Variants in RPTOR observed in about 807,000 individuals in gnomAD.
The protein encoded by RPTOR is regulatory associated protein of MTOR complex 1, also known as regulatory-associated protein of mTOR.
A neutral mutation model predicts 169.9 loss-of-function variants in RPTOR; 21 were observed. The observed-to-expected ratio is 0.12, with a 90% CI of 0.09 to 0.18. RPTOR has a LOEUF of 0.18. Among genes scored for constraint, RPTOR ranks in the 10% least tolerant of loss-of-function variants. The pLI, the probability that RPTOR is intolerant of heterozygous loss-of-function variation, is 1.00. For missense variants in RPTOR, 1,133 were observed against 1,855.9 expected (o/e 0.61, Z 7.16); for synonymous variants, 732 against 753.2 (o/e 0.97, Z 0.46).
At chr17:80,788,770 G>C (rs1177036974) in intron 6 of RPTOR, among the ~76,000 whole-genome samples, 1 of 152,138 alleles carries the variant, frequency 6.6e-6, no homozygotes, top group Non-Finnish European at 1.5e-5. Context: ...CAAATAATAA[G>C]CACTAAATAA....
intron 5 of RPTOR, among the ~76,000 whole-genome samples, chr17:80,750,136 G>A (rs2066617065): frequency 6.6e-6 from 1 of 152,038 alleles, no homozygotes; most frequent in Admixed American, 6.5e-5. Flanking sequence ...ACAGATGTGA[G>A]CCACCACACC....
In RPTOR at chr17:80,904,422, G is replaced by A. The variant is rs377032380; in HGVS notation, c.2402-4389G>A. Among the ~76,000 whole-genome samples, 83 of 152,310 alleles carry A rather than the reference G, an allele frequency of 5.4e-4. No individual in the cohort carries two copies. The South Asian group carries it at 7.7e-3, about 14-fold the overall frequency. On this transcript the variant is annotated intron_variant, in intron 20 of 33. Coordinates refer to ENST00000306801, the MANE Select transcript of RPTOR (RefSeq NM_020761.3). The stretch of plus-strand genomic sequence containing the variant: ...GACTCTGTCTTCTCTGAACTGCTCC[G>A]ACAGCCGGGGAGCTTCTGGGATTCA...
At chr17:80,749,671 G>A (rs992455871) in intron 5 of RPTOR, among the ~76,000 whole-genome samples, 6 of 152,104 alleles carry the variant, frequency 3.9e-5, no homozygotes, top group African/African-American at 9.7e-5. Context: ...TAAATTTAAC[G>A]TAGGAGCAAC....
intron 19 of RPTOR, 150 bp downstream of exon 19, chr17:80,893,019 C>A: frequency 3.0e-6 from 3 of 1,005,542 alleles, no homozygotes; most frequent in Non-Finnish European, 4.4e-6. Flanking sequence ...GATGAGTCAC[C>A]CTTCCAGACG....
intron 24 of RPTOR, among the ~76,000 whole-genome samples, chr17:80,932,445 G>T (rs1567995047): frequency 6.6e-6 from 1 of 152,170 alleles, no homozygotes; most frequent in East Asian, 1.9e-4. Context: ...CAACCCAGAT[G>T]TTGGAACTAT....
chr17:80,738,647 G>A (rs1029312266), intron 5 of RPTOR, among the ~76,000 whole-genome samples: 2 of 152,128 alleles, frequency 1.3e-5, no homozygotes, highest in Admixed American at 6.5e-5. Flanking sequence ...CCTACACAGC[G>A]GCCTTGACAA....
At chr17:80,827,050 G>C (rs1034465326) in intron 9 of RPTOR, among the ~76,000 whole-genome samples, 1 of 152,224 alleles carries the variant, frequency 6.6e-6, no homozygotes, top group East Asian at 1.9e-4. Context: ...CTCACACCAG[G>C]CTCGGGCTCC....
intron 1 of RPTOR, among the ~76,000 whole-genome samples, chr17:80,601,433 A>G (rs985976834): frequency 1.4e-5 from 2 of 143,534 alleles, no homozygotes; most frequent in African/African-American, 5.2e-5. Flanking sequence ...GTTCCGTGCC[A>G]GGGATGGCTG....
chr17:80,642,490 T>C (rs1270410295), intron 2 of RPTOR, among the ~76,000 whole-genome samples: 1 of 152,118 alleles, frequency 6.6e-6, no homozygotes, highest in African/African-American at 2.4e-5. Flanking sequence ...GAGTGTGGAT[T>C]CTTAAAAAAA....
Position 80,964,335 on chromosome 17 carries a change from G to T in RPTOR, c.*5G>T. ...GTGGAGAAGCGTGTCAGATAGCGGC[G>T]TGACCCGGGCCCACCAGGCCACGGC... is the stretch of plus-strand genomic sequence containing the variant. On this transcript the variant is annotated 3_prime_UTR_variant, in exon 34 of 34. Coordinates refer to ENST00000306801, the MANE Select transcript of RPTOR (RefSeq NM_020761.3). The T allele has an allele frequency of 6.2e-7, 1 of 1,605,850 alleles. No homozygotes were observed.
chr17:80,913,448 G>C (rs1231932761), intron 21 of RPTOR, among the ~76,000 whole-genome samples: 2 of 151,866 alleles, frequency 1.3e-5, no homozygotes, highest in African/African-American at 2.4e-5. Context: ...AGTTTTGGGG[G>C]TGTTGTTTGT....
intron 6 of RPTOR, among the ~76,000 whole-genome samples, chr17:80,780,285 G>A (rs542484497): frequency 1.3e-5 from 2 of 152,318 alleles, no homozygotes; most frequent in Admixed American, 1.3e-4. Context: ...AAGTACAACT[G>A]GAGCCGTCGG....
intron 3 of RPTOR, among the ~76,000 whole-genome samples, chr17:80,668,202 G>T (rs892266068): frequency 6.6e-6 from 1 of 152,164 alleles, no homozygotes; most frequent in Non-Finnish European, 1.5e-5. Context: ...GTTTATCCTA[G>T]TGAGTTCTTT....
chr17:80,870,712 C>T (rs555545668), intron 13 of RPTOR, among the ~76,000 whole-genome samples: 7 of 152,272 alleles, frequency 4.6e-5, no homozygotes, highest in East Asian at 1.9e-4. Context: ...ACTTGTGTCC[C>T]GAACTCTTGT....
intron 12 of RPTOR, among the ~76,000 whole-genome samples, chr17:80,857,580 G>A (rs1019474022): frequency 6.6e-6 from 1 of 152,244 alleles, no homozygotes; most frequent in South Asian, 2.1e-4. Flanking sequence ...CACCAGTCAA[G>A]GCTGGCAGTA....
intron 2 of RPTOR, among the ~76,000 whole-genome samples, chr17:80,626,843 T>G (rs914250702): frequency 6.6e-6 from 1 of 151,032 alleles, no homozygotes; most frequent in Admixed American, 6.6e-5. Context: ...AGTGTACAAT[T>G]GAACGACATG....
intron 5 of RPTOR, among the ~76,000 whole-genome samples, chr17:80,733,513 C>T (rs1032804118): frequency 2.0e-5 from 3 of 152,206 alleles, no homozygotes; most frequent in African/African-American, 7.2e-5. Context: ...TCTAGTTCTT[C>T]TGGAGGGTGT....
chr17:80,567,039 C>T (rs56232934), intron 1 of RPTOR, among the ~76,000 whole-genome samples: 3 of 151,566 alleles, frequency 2.0e-5, no homozygotes, highest in Non-Finnish European at 4.4e-5. Flanking sequence ...GGCATGATCT[C>T]GGCTCACTGC....
intron 20 of RPTOR, among the ~76,000 whole-genome samples, chr17:80,903,048 C>T (rs1040434709): frequency 5.3e-5 from 8 of 152,240 alleles, no homozygotes; most frequent in Non-Finnish European, 8.8e-5. Context: ...CTGCTAGATA[C>T]GGTGACATTT....
Sources: allele counts gnomAD v4.1 joint callset (sites outside exome capture counted in the v4.1 genomes callset), GRCh38; gene constraint gnomAD v4.1.1; transcripts MANE v1.5; gene names NCBI Gene and HGNC (gene_info 2026-07-23, HGNC 2026-07-21).